FKBP8: variants seen among roughly 807,000 people sequenced by gnomAD.
The protein encoded by FKBP8 is peptidyl-prolyl cis-trans isomerase FKBP8.
In FKBP8, 5 loss-of-function variants were observed where a neutral mutation model predicts 41.7. The ratio of observed to expected loss-of-function variants is 0.12; its 90% CI spans 0.06 to 0.25. The LOEUF (loss-of-function observed/expected upper bound fraction) is 0.25. Among genes scored for constraint, FKBP8 ranks in the 10% least tolerant of loss-of-function variants. The pLI, the probability that FKBP8 is intolerant of heterozygous loss-of-function variation, is 1.00. For missense variants in FKBP8, 397 were observed against 563.0 expected, an observed-to-expected ratio of 0.71 and a Z score of 2.98; for synonymous variants, 279 against 254.5, an observed-to-expected ratio of 1.10 and a Z score of -0.92.
Position 18,541,999 on chromosome 19 carries a change from G to C in FKBP8, c.-25-4C>G. 5 of 1,605,066 alleles carry C rather than the reference G, an allele frequency of 3.1e-6. No homozygotes were observed. The highest frequency in any genetic ancestry group is 3.4e-6 in the Non-Finnish European group (4 of 1,175,126). ...GCTGGGGGGACAGGAATTGGCCCTG[G>C]AAGTGGGGGGCAGAGATGTGGGTCA... On this transcript the variant is annotated splice_region_variant and splice_polypyrimidine_tract_variant and intron_variant, in intron 1 of 8. Coordinates refer to ENST00000608443, the MANE Select transcript of FKBP8 (RefSeq NM_012181.5).
At chr19:18,535,214 C>T (rs1346731521) in intron 6 of FKBP8, among the ~76,000 whole-genome samples, 1 of 152,114 alleles carries the variant, frequency 6.6e-6, no homozygotes, top group Non-Finnish European at 1.5e-5. Context: ...GCCACCACGC[C>T]CAGCCCTTAA....
chr19:18,535,930 C>G (rs779612060), intron 6 of FKBP8: 1 of 151,708 alleles, frequency 6.6e-6, no homozygotes, highest in African/African-American at 2.4e-5. Flanking sequence ...CATGAGCTAT[C>G]GATCCCTCCT....
At chr19:18,536,894 C>T (rs1004333988) in intron 6 of FKBP8, among the ~76,000 whole-genome samples, 6 of 152,108 alleles carry the variant, frequency 3.9e-5, no homozygotes, top group Non-Finnish European at 8.8e-5. Flanking sequence ...GAGAATGCCA[C>T]GTGGGATGGA....
At chr19:18,543,410 C>T (rs1178672753) in intron 1 of FKBP8, 76 bp downstream of exon 1, 3 of 144,756 alleles carry the variant, frequency 2.1e-5, no homozygotes, top group African/African-American at 5.1e-5. Context: ...GCCCCCGGCG[C>T]GCTAGCCCCC....
chr19:18,538,068 G>T lies in FKBP8; in HGVS notation c.772+148C>A. ...GGGATATACCACGAGTCTGTAACAGGCCCTAGCTTAGGGGCAGTTGGGGAT... is the reference window on the plus strand; with the variant it reads ...GGGATATACCACGAGTCTGTAACAGTCCCTAGCTTAGGGGCAGTTGGGGAT... On this transcript the variant is annotated intron_variant, in intron 5 of 8. Transcript: ENST00000608443. The surrounding 1 kb of genome is among the most constrained non-coding windows in gnomAD (Gnocchi z 4.0). 1 of 864,984 alleles carries T rather than the reference G, an allele frequency of 1.2e-6. No individual in the cohort carries two copies. Among genetic ancestry groups the T allele is most frequent in the African/African-American group, 1.7e-5 (1 of 59,372 alleles). 53.6% of individuals were successfully genotyped at this position (864,984 alleles called of 1,614,324 possible). A position where few individuals can be genotyped will look rare whatever the true frequency, so the allele number is the denominator to read the frequency against.
At chr19:18,534,880 C>T (rs999627880) in intron 6 of FKBP8, among the ~76,000 whole-genome samples, 18 of 151,824 alleles carry the variant, frequency 1.2e-4, no homozygotes, top group African/African-American at 3.6e-4. Context: ...CTCTGCCTCC[C>T]GGGTTCACGC....
chr19:18,538,229 G>C lies in FKBP8; in HGVS notation c.759C>G (p.Thr253=), dbSNP rs1454357935. 6.2e-7 allele frequency: 1 copy of C among 1,608,516 alleles called. No homozygotes were observed. Among genetic ancestry groups the C allele is most frequent in the East Asian group, 2.2e-5 (1 of 44,704 alleles). The part of the protein sequence containing the change: ...NSYDLAIKAI[T]SSAKVDMTFE... Reference sequence around the variant, plus strand: ...CCAGGCGGTCACCTTTGGCGCTGGAGGTGATAGCCTTGATGGCGAGGTCGT... The same window carrying C: ...CCAGGCGGTCACCTTTGGCGCTGGACGTGATAGCCTTGATGGCGAGGTCGT... The change falls in exon 5 of 9, where the codon ACC becomes ACG. Residue 253 remains threonine (T), a synonymous_variant. Transcript: ENST00000608443. The surrounding 1 kb of genome is among the most constrained non-coding windows in gnomAD (Gnocchi z 4.0).
At position 18,537,941 on chromosome 19, in the gene FKBP8, C is replaced by T; in HGVS notation, c.773-168G>A. ...TCCTGAGGAAGCTACAAGATGGAGA[C>T]TTAAGCAAGCGAGGGCCTAGCCTGT... On this transcript the variant is annotated intron_variant, in intron 5 of 8. Coordinates refer to ENST00000608443, the MANE Select transcript of FKBP8 (RefSeq NM_012181.5). This position sits in a 1 kb window ranked among gnomAD's most constrained non-coding sequence, Gnocchi z 4.4. The T allele has an allele frequency of 7.9e-6, 6 of 754,820 alleles. No individual in the cohort carries two copies. In the South Asian group the frequency reaches 1.1e-4, roughly 14 times the overall value. The allele number at this position is 754,820 out of a possible 1,614,324, so 46.8% of individuals were successfully genotyped here. A position where few individuals can be genotyped will look rare whatever the true frequency, so the allele number is the denominator to read the frequency against.
At chr19:18,533,822 C>T (rs537806646) in intron 6 of FKBP8, among the ~76,000 whole-genome samples, 91 of 148,260 alleles carry the variant, frequency 6.1e-4, no homozygotes, top group African/African-American at 2.2e-3. Flanking sequence ...CTGGCTAAGA[C>T]GGTGAAACCC....
At chr19:18,542,159 G>T in intron 1 of FKBP8, 164 bp from the exon 2 acceptor site, 1 of 1,040,114 alleles carries the variant, frequency 9.6e-7, no homozygotes, top group Non-Finnish European at 1.3e-6. Flanking sequence ...CCAGCTTGTT[G>T]GGAGAAATTA....
At chr19:18,536,502 C>T (rs1180158509) in intron 6 of FKBP8, among the ~76,000 whole-genome samples, 3 of 152,194 alleles carry the variant, frequency 2.0e-5, no homozygotes, top group Non-Finnish European at 2.9e-5. Flanking sequence ...CAGGCCCGCG[C>T]CCCCACACCC....
At chr19:18,541,377 T>C (rs1420587700) in intron 2 of FKBP8, among the ~76,000 whole-genome samples, 1 of 152,174 alleles carries the variant, frequency 6.6e-6, no homozygotes, top group East Asian at 1.9e-4. Flanking sequence ...CAAAAAAAGA[T>C]GCATTGATGG....
rs763120718 is a variant in FKBP8 at position 18,539,482 on chromosome 19, G to T, written c.463-23C>A. ...GGCCTGGGGTGTGTGGGGATAGCCA[G>T]CTGTCAGGCAGACTCAGACCCAGCA... On this transcript the variant is annotated intron_variant, in intron 3 of 8. Transcript: ENST00000608443. 6 of 1,612,528 alleles carry T rather than the reference G, an allele frequency of 3.7e-6. No homozygotes were observed. The Admixed American group carries it at 1.0e-4, about 27-fold the overall frequency.
intron 1 of FKBP8, chr19:18,542,854 A>G: frequency 7.9e-7 from 1 of 1,266,328 alleles, no homozygotes; most frequent in Non-Finnish European, 1.0e-6. Flanking sequence ...ACAGCCATCA[A>G]ACCAGCCCGC....
chr19:18,539,092 G>T (rs903203115), intron 4 of FKBP8, among the ~76,000 whole-genome samples: 6 of 151,840 alleles, frequency 4.0e-5, no homozygotes, highest in Admixed American at 3.9e-4. Context: ...GGGATTACAG[G>T]CGTAAGCCAC....
In FKBP8 at chr19:18,538,347, G is replaced by A; in HGVS notation, c.641C>T (p.Thr214Met). 1.9e-6 allele frequency: 3 copies of A among 1,613,624 alleles called. No individual in the cohort carries two copies. Among genetic ancestry groups the A allele is most frequent in the African/African-American group, 1.3e-5 (1 of 75,068 alleles). Residue 214 changes from threonine to methionine, a missense_variant, in exon 5 of 9, where the codon ACG (threonine) becomes ATG (methionine). Physicochemically the swap from Thr to Met is moderately conservative, Grantham distance 81 (BLOSUM62 -1). Transcript: ENST00000608443. This position sits in a 1 kb window ranked among gnomAD's most constrained non-coding sequence, Gnocchi z 4.0. The part of the protein sequence containing the change: ...AVDGPDLEML[T>M]GQERVALANR... ...GGCCAGGGCCACGCGCTCCTGCCCC[G>A]TGAGCATCTCCAGGTCAGGCCCGTC...
chr19:18,534,220 T>C (rs1457639922), intron 6 of FKBP8, among the ~76,000 whole-genome samples: 4 of 151,548 alleles, frequency 2.6e-5, no homozygotes, highest in African/African-American at 7.3e-5. Context: ...GGCAGGAGAA[T>C]GGCGTGAACC....
intron 1 of FKBP8, chr19:18,542,912 GC>G: frequency 1.6e-6 from 2 of 1,279,356 alleles, no homozygotes; most frequent in Non-Finnish European, 2.0e-6. Context: ...CGGGCTCGGA[GC>G]CCCACTTTGA....
intron 6 of FKBP8, among the ~76,000 whole-genome samples, chr19:18,535,053 G>C (rs1976542465): frequency 2.6e-5 from 4 of 152,104 alleles, no homozygotes; most frequent in South Asian, 4.2e-4. Flanking sequence ...CCAAAGTGCT[G>C]GTATTACAGG....
Sources: gnomAD v4.1 joint callset for allele counts (sites outside exome capture counted in the v4.1 genomes callset) on GRCh38, gnomAD v4.1.1 for gene constraint, Gnocchi (gnomAD v3.1) non-coding constraint, MANE v1.5 for transcripts, NCBI Gene and HGNC (gene_info 2026-07-23, HGNC 2026-07-21) for gene names.